Variants in CCDC91 observed in about 807,000 individuals in gnomAD.
The protein encoded by CCDC91 is coiled-coil domain containing 91.
In CCDC91, 48 loss-of-function variants were observed where a neutral mutation model predicts 63.2. That is an observed-to-expected ratio of 0.76 (90% confidence interval 0.60 to 0.97). The LOEUF (loss-of-function observed/expected upper bound fraction) is 0.97. Ranked by LOEUF, CCDC91 falls within the 50% of genes least tolerant of loss-of-function variation. CCDC91 has a pLI of 0.00. For synonymous variants in CCDC91, 167 were observed against 165.8 expected, an observed-to-expected ratio of 1.01 and a Z score of -0.06; for missense variants, 500 against 494.6, an observed-to-expected ratio of 1.01 and a Z score of -0.10.
At chr12:28,366,933 G>A (rs1232744016) in intron 7 of CCDC91, among the ~76,000 whole-genome samples, 3 of 152,062 alleles carry the variant, frequency 2.0e-5, no homozygotes, top group African/African-American at 7.2e-5. Context: ...AGTGCTAGTA[G>A]AGGCTGAGTT....
At chr12:28,350,570 A>G (rs1464621236) in intron 6 of CCDC91, among the ~76,000 whole-genome samples, 1 of 152,200 alleles carries the variant, frequency 6.6e-6, no homozygotes, top group Non-Finnish European at 1.5e-5. Context: ...GGAAAAGTAC[A>G]GTGTTTGACT....
chr12:28,405,899 C>T (rs1348218850), intron 8 of CCDC91, among the ~76,000 whole-genome samples: 1 of 152,070 alleles, frequency 6.6e-6, no homozygotes, highest in Non-Finnish European at 1.5e-5. Context: ...TATGCAAGCA[C>T]ATATAGTTAT....
chr12:28,195,984 A>G lies in CCDC91; in HGVS notation c.-15+5343A>G, dbSNP rs141505446. On this transcript the variant is annotated intron_variant, in intron 1 of 12. Transcript: ENST00000536442. ...GCTGGGTGTGTTGCCATGCACCTGTAGTCCCTGATACTTGGAAGGCTGAGG... is the reference window on the plus strand; with the variant it reads ...GCTGGGTGTGTTGCCATGCACCTGTGGTCCCTGATACTTGGAAGGCTGAGG... Among the ~76,000 whole-genome samples, 117 of 152,286 alleles carry G rather than the reference A, an allele frequency of 7.7e-4. 1 individual carries two copies. The East Asian group carries it at 0.018, about 23-fold the overall frequency.
intron 4 of CCDC91, 100 bp downstream of exon 4, chr12:28,305,906 A>G (rs1938674874): frequency 9.9e-7 from 1 of 1,006,120 alleles, no homozygotes; most frequent in African/African-American, 1.6e-5. Flanking sequence ...CTATTTGTCT[A>G]AAAGAAGTAT....
At chr12:28,407,509 T>G (rs972850591) in intron 8 of CCDC91, among the ~76,000 whole-genome samples, 12 of 152,234 alleles carry the variant, frequency 7.9e-5, no homozygotes, top group African/African-American at 2.7e-4. Context: ...TATTTTAGGT[T>G]CTTTGCATTT....
At chr12:28,365,716 A>G (rs1438638417) in intron 7 of CCDC91, among the ~76,000 whole-genome samples, 2 of 152,236 alleles carry the variant, frequency 1.3e-5, no homozygotes, top group African/African-American at 4.8e-5. Flanking sequence ...TTCCATATCT[A>G]CATTCCATGA....
intron 12 of CCDC91, among the ~76,000 whole-genome samples, chr12:28,519,976 T>C (rs895124827): frequency 9.2e-5 from 14 of 152,284 alleles, no homozygotes; most frequent in African/African-American, 3.4e-4. Context: ...CTATCATTGA[T>C]GGGCATTTGG....
intron 12 of CCDC91, among the ~76,000 whole-genome samples, chr12:28,525,841 A>T (rs1043422750): frequency 3.3e-5 from 5 of 152,066 alleles, no homozygotes; most frequent in African/African-American, 1.2e-4. Flanking sequence ...TTTTATTGTT[A>T]TATAATGTCC....
At chr12:28,277,530 G>A (rs1044303821) in intron 3 of CCDC91, among the ~76,000 whole-genome samples, 3 of 152,018 alleles carry the variant, frequency 2.0e-5, no homozygotes, top group African/African-American at 7.2e-5. Context: ...GAAAGCAAAT[G>A]CTTATTAGAG....
chr12:28,491,896 T>TGA (rs1217487544), intron 12 of CCDC91, among the ~76,000 whole-genome samples: 1 of 136,024 alleles, frequency 7.4e-6, no homozygotes, highest in Non-Finnish European at 1.6e-5. Flanking sequence ...TGTGTGTGTG[T>TGA]GAAGGTGTAG....
intron 3 of CCDC91, among the ~76,000 whole-genome samples, chr12:28,286,771 C>T (rs945189577): frequency 1.3e-5 from 2 of 152,108 alleles, no homozygotes; most frequent in Non-Finnish European, 2.9e-5. Context: ...GTTTTTAGTT[C>T]TTTAAGGAAT....
At chr12:28,390,511 A>G (rs527322228) in intron 7 of CCDC91, among the ~76,000 whole-genome samples, 47 of 152,176 alleles carry the variant, frequency 3.1e-4, no homozygotes, top group Non-Finnish European at 5.7e-4. Flanking sequence ...AGAGAGAAAG[A>G]AAAAAGATGA....
Position 28,471,914 on chromosome 12 carries a change from C to G in CCDC91, c.1102-12138C>G, listed in dbSNP as rs150415652. On this transcript the variant is annotated intron_variant, in intron 11 of 12. Coordinates refer to ENST00000536442, the MANE Select transcript of CCDC91 (RefSeq NM_018318.5). ...TACAGGCGTCTGCCATCATGCCCGG[C>G]TAATTTTTGAATTTTTAGTAGAGAT... is the stretch of plus-strand genomic sequence containing the variant. Among the ~76,000 whole-genome samples the G allele has an allele frequency of 1.2e-4, 19 of 152,176 alleles. No individual in the cohort carries two copies. The East Asian group carries it at 3.7e-3, about 29-fold the overall frequency.
intron 7 of CCDC91, among the ~76,000 whole-genome samples, chr12:28,390,417 G>C (rs1024937991): frequency 6.6e-6 from 1 of 151,962 alleles, no homozygotes; most frequent in Non-Finnish European, 1.5e-5. Flanking sequence ...ATATTTGCTA[G>C]AGTTCTTATA....
chr12:28,453,449 A>AT (rs1282008381), intron 11 of CCDC91, among the ~76,000 whole-genome samples: 1 of 151,870 alleles, frequency 6.6e-6, no homozygotes, highest in Non-Finnish European at 1.5e-5. Context: ...ATCAACCCAG[A>AT]TTTTTTTTAT....
chr12:28,344,733 T>C (rs1480260348), intron 6 of CCDC91, among the ~76,000 whole-genome samples: 6 of 152,140 alleles, frequency 3.9e-5, no homozygotes, highest in South Asian at 4.1e-4. Flanking sequence ...ATGAGGAAAA[T>C]CAAGTTTAGC....
intron 12 of CCDC91, among the ~76,000 whole-genome samples, chr12:28,504,617 A>C (rs1592882283): frequency 6.6e-6 from 1 of 151,900 alleles, no homozygotes; most frequent in Non-Finnish European, 1.5e-5. Flanking sequence ...CCAAGCTATT[A>C]TGTTTTGCCT....
intron 1 of CCDC91, among the ~76,000 whole-genome samples, chr12:28,253,990 C>G (rs1349340343): frequency 6.6e-6 from 1 of 152,186 alleles, no homozygotes; most frequent in African/African-American, 2.4e-5. Context: ...GTACACCAGA[C>G]TGTAACTTCT....
chr12:28,267,835 T>A lies in CCDC91; in HGVS notation c.109+8393T>A, dbSNP rs1565700034. On this transcript the variant is annotated intron_variant, in intron 3 of 12. Transcript: ENST00000536442. ...ATATAATTATATTATTAATATATAA[T>A]TATATATAATTATATAGTAATATAT... Among the ~76,000 whole-genome samples the A allele has an allele frequency of 2.4e-3, 43 of 18,154 alleles. 2 individuals are homozygous for A. The highest frequency in any genetic ancestry group is 5.3e-3 in the African/African-American group (38 of 7,140). The allele number at this position is 18,154 out of a possible 152,430, so 11.9% of individuals were successfully genotyped here.
Sources: allele counts gnomAD v4.1 joint callset (sites outside exome capture counted in the v4.1 genomes callset), GRCh38; gene constraint gnomAD v4.1.1; transcripts MANE v1.5; gene names NCBI Gene and HGNC (gene_info 2026-07-23, HGNC 2026-07-21).